The following KIAA1328 variants were observed in gnomAD, a reference collection of about 807,000 sequenced individuals.
KIAA1328 encodes KIAA1328.
Under a neutral mutation model 68.1 loss-of-function variants are expected in KIAA1328, and 52 were observed. The observed-to-expected ratio is 0.76, with a 90% confidence interval of 0.61 to 0.96. The LOEUF is 0.96. Among genes scored for constraint, KIAA1328 ranks in the 40% least tolerant of loss-of-function variants. The pLI, the probability that KIAA1328 is intolerant of heterozygous loss-of-function variation, is 0.00. For synonymous variants in KIAA1328, 232 were observed against 239.4 expected (o/e 0.97, Z 0.28); for missense variants, 641 against 677.6 (o/e 0.95, Z 0.60).
intron 3 of KIAA1328, 65 bp from the exon 4 acceptor site, chr18:36,844,143 G>T: frequency 9.6e-7 from 1 of 1,042,294 alleles, no homozygotes. Flanking sequence ...CTTGCACCTA[G>T]GTTTCTTGAA....
intron 9 of KIAA1328, among the ~76,000 whole-genome samples, chr18:37,219,747 G>A (rs1417225827): frequency 6.6e-6 from 1 of 152,160 alleles, no homozygotes; most frequent in African/African-American, 2.4e-5. Context: ...GCTTCCCTTG[G>A]CTAGGAAAGG....
intron 4 of KIAA1328, among the ~76,000 whole-genome samples, chr18:36,849,327 T>A (rs181548192): frequency 3.0e-4 from 45 of 152,130 alleles, no homozygotes; most frequent in Non-Finnish European, 5.5e-4. Context: ...TGACATTTAG[T>A]ATACTCACAG....
chr18:37,207,842 G>A (rs996317021), intron 9 of KIAA1328, among the ~76,000 whole-genome samples: 1 of 152,048 alleles, frequency 6.6e-6, no homozygotes, highest in African/African-American at 2.4e-5. Context: ...ATGGAGTTTC[G>A]CTCATTGCCC....
chr18:37,139,292 C>G (rs1485715077), intron 7 of KIAA1328, among the ~76,000 whole-genome samples: 3 of 151,954 alleles, frequency 2.0e-5, no homozygotes, highest in Non-Finnish European at 4.4e-5. Flanking sequence ...ACTTCGGTCT[C>G]AAAATTTTTG....
In KIAA1328 at chr18:37,222,056, C is replaced by T. The variant is rs766690215; in HGVS notation, c.1563C>T (p.Ser521=). The T allele has an allele frequency of 3.1e-6, 5 of 1,613,666 alleles. No homozygotes were observed. The East Asian group carries it at 1.1e-4, about 36-fold the overall frequency. ...TGTTGGATTTGGTTCAGTCTCTGAGCCCAAACTCTGCGCCCAAACCTCAGC... is the reference window on the plus strand; with the variant it reads ...TGTTGGATTTGGTTCAGTCTCTGAGTCCAAACTCTGCGCCCAAACCTCAGC... ...TSLLDLVQSL[S]PNSAPKPQRY... Residue 521 remains serine, a synonymous_variant, in exon 10 of 10, where the codon AGC becomes AGT. Transcript: ENST00000280020.
intron 7 of KIAA1328, among the ~76,000 whole-genome samples, chr18:37,108,152 GAAAAT>G (rs1013899416): frequency 6.6e-6 from 1 of 152,112 alleles, no homozygotes; most frequent in Admixed American, 6.5e-5. Context: ...ATTGGATAAA[GAAAAT>G]ATGGTAAATA....
chr18:37,231,637 TCTCC>T (rs1371143879), downstream of KIAA1328: 1 of 152,602 alleles, frequency 6.6e-6, no homozygotes, highest in African/African-American at 2.4e-5. Context: ...AGAGCTGGCC[TCTCC>T]CTCCCTTCTT....
At chr18:36,993,216 A>G (rs1259247419) in intron 6 of KIAA1328, among the ~76,000 whole-genome samples, 1 of 152,220 alleles carries the variant, frequency 6.6e-6, no homozygotes, top group African/African-American at 2.4e-5. Flanking sequence ...AAGGAGTTGA[A>G]TGTTAGAAAG....
At chr18:36,907,333 A>C (rs72887052) in intron 5 of KIAA1328, among the ~76,000 whole-genome samples, 20,265 of 152,050 alleles carry the variant, frequency 0.13, 1,735 homozygotes, top group Non-Finnish European at 0.18. Context: ...TGTTGAGTAA[A>C]AGCTGTGGTA....
chr18:36,959,562 G>C (rs1407773840), intron 6 of KIAA1328, 127 bp downstream of exon 6: 1 of 1,001,998 alleles, frequency 1.0e-6, no homozygotes, highest in Non-Finnish European at 1.5e-6. Flanking sequence ...GCCACTGCGT[G>C]TGATTGAGTT....
chr18:36,900,619 G>A (rs545547803), intron 5 of KIAA1328, among the ~76,000 whole-genome samples: 7 of 151,922 alleles, frequency 4.6e-5, no homozygotes, highest in African/African-American at 1.2e-4. Flanking sequence ...CCCATTAACC[G>A]CCATCAGGGC....
chr18:36,939,271 G>C (rs1025749916), intron 5 of KIAA1328, among the ~76,000 whole-genome samples: 38 of 152,132 alleles, frequency 2.5e-4, no homozygotes, highest in African/African-American at 8.7e-4. Context: ...TTTCCTCAAT[G>C]TTTTATAATT....
chr18:36,831,247 C>T (rs955596389), intron 1 of KIAA1328, among the ~76,000 whole-genome samples: 1 of 152,130 alleles, frequency 6.6e-6, no homozygotes, highest in South Asian at 2.1e-4. Context: ...GGAGAGATTT[C>T]TTAGTCCTTG....
chr18:37,116,074 G>T (rs1012882050), intron 7 of KIAA1328, among the ~76,000 whole-genome samples: 3 of 152,124 alleles, frequency 2.0e-5, no homozygotes, highest in African/African-American at 4.8e-5. Context: ...TCATGAAAAT[G>T]GCCATACTGC....
chr18:37,200,817 CAAA>C (rs1304976099), intron 9 of KIAA1328, among the ~76,000 whole-genome samples: 1 of 53,878 alleles, frequency 1.9e-5, no homozygotes, highest in Non-Finnish European at 3.9e-5. Context: ...GACTCCGTCT[CAAA>C]AAAAAAAAAA....
At chr18:37,177,828 TA>T (rs2059623885) in intron 9 of KIAA1328, among the ~76,000 whole-genome samples, 2 of 152,074 alleles carry the variant, frequency 1.3e-5, no homozygotes. Context: ...AAAAATAGTT[TA>T]TTTTTATTAA....
At chr18:36,984,904 CAAAAAAAAAA>C (rs56357519) in intron 6 of KIAA1328, among the ~76,000 whole-genome samples, 1 of 80,744 alleles carries the variant, frequency 1.2e-5, no homozygotes, top group Non-Finnish European at 2.4e-5. Context: ...GACTCCATCT[CAAAAAAAAAA>C]AAAAAAAAAA....
intron 7 of KIAA1328, among the ~76,000 whole-genome samples, chr18:37,130,538 A>G (rs1470154232): frequency 6.6e-6 from 1 of 152,112 alleles, no homozygotes; most frequent in African/African-American, 2.4e-5. Flanking sequence ...GAATGGCTTG[A>G]ACCCAGGAGG....
intron 4 of KIAA1328, among the ~76,000 whole-genome samples, chr18:36,874,132 G>C (rs2048041001): frequency 6.6e-6 from 1 of 152,202 alleles, no homozygotes; most frequent in Non-Finnish European, 1.5e-5. Flanking sequence ...ATTGTGAATA[G>C]TGCTGTAATA....
Sources: gnomAD v4.1 joint callset for allele counts (sites outside exome capture counted in the v4.1 genomes callset) on GRCh38, gnomAD v4.1.1 for gene constraint, MANE v1.5 for transcripts, NCBI Gene and HGNC (gene_info 2026-07-23, HGNC 2026-07-21) for gene names.